LRRC4C: variants seen among roughly 807,000 people sequenced by gnomAD.
The protein encoded by LRRC4C is leucine rich repeat containing 4C.
Under a neutral mutation model 33.6 loss-of-function variants are expected in LRRC4C, and 5 were observed. The ratio of observed to expected loss-of-function variants is 0.15; its 90% CI spans 0.08 to 0.31. LRRC4C has a LOEUF of 0.31. Ranked by LOEUF, LRRC4C falls within the 10% of genes least tolerant of loss-of-function variation. The pLI is 1.00. For missense variants in LRRC4C, 560 were observed against 796.7 expected (o/e 0.70, Z 3.58); for synonymous variants, 329 against 302.0 (o/e 1.09, Z -0.93).
intron 3 of LRRC4C, among the ~76,000 whole-genome samples, chr11:40,471,838 C>T (rs1443704325): frequency 6.6e-6 from 1 of 152,138 alleles, no homozygotes; most frequent in African/African-American, 2.4e-5. Flanking sequence ...CAGAACTCTC[C>T]ACCACAAATC....
chr11:40,814,061 C>T (rs934444584), intron 2 of LRRC4C, among the ~76,000 whole-genome samples: 4 of 152,094 alleles, frequency 2.6e-5, no homozygotes, highest in Non-Finnish European at 5.9e-5. Flanking sequence ...CAGTGGCCCT[C>T]TTCTCACGGT....
intron 2 of LRRC4C, among the ~76,000 whole-genome samples, chr11:40,919,970 T>C (rs1957109590): frequency 6.6e-6 from 1 of 152,180 alleles, no homozygotes; most frequent in Non-Finnish European, 1.5e-5. Context: ...AATCTACCTT[T>C]ACAGTGCTCA....
intron 6 of LRRC4C, among the ~76,000 whole-genome samples, chr11:40,136,685 T>C (rs1266974236): frequency 1.3e-5 from 2 of 152,172 alleles, no homozygotes; most frequent in Non-Finnish European, 2.9e-5. Flanking sequence ...TTAACTTTAT[T>C]CTAAGAACAA....
At chr11:40,176,930 CTTTTT>C (rs36015905) in intron 5 of LRRC4C, among the ~76,000 whole-genome samples, 2 of 82,626 alleles carry the variant, frequency 2.4e-5, no homozygotes, top group African/African-American at 5.0e-5. Context: ...CTGCCAGAGT[CTTTTT>C]TTTTTTTTTT....
At chr11:41,180,819 T>C (rs1308129313) in intron 1 of LRRC4C, among the ~76,000 whole-genome samples, 3 of 151,992 alleles carry the variant, frequency 2.0e-5, no homozygotes, top group Admixed American at 1.3e-4. Flanking sequence ...AGATATCTTC[T>C]GCTATCGAAA....
intron 1 of LRRC4C, among the ~76,000 whole-genome samples, chr11:41,333,243 G>A (rs944804816): frequency 2.6e-5 from 4 of 152,124 alleles, no homozygotes; most frequent in African/African-American, 9.7e-5. Context: ...TAATGCATCA[G>A]TCAAAATAAA....
chr11:40,970,699 A>T lies in LRRC4C; in HGVS notation c.-495-36976T>A, dbSNP rs1851665693. On this transcript the variant is annotated intron_variant, in intron 1 of 6. Transcript: ENST00000528697. Reference sequence around the variant, plus strand: ...ACAGGAAGATGAGAGAAAACTTGAAACTACCTAGAGCCTTGTTAAACTGCT... The same window carrying T: ...ACAGGAAGATGAGAGAAAACTTGAATCTACCTAGAGCCTTGTTAAACTGCT... Among the ~76,000 whole-genome samples the T allele has an allele frequency of 2.0e-5, 3 of 152,178 alleles. No homozygotes were observed. The South Asian group carries it at 6.2e-4, about 32-fold the overall frequency.
At chr11:41,037,067 T>A (rs1193667535) in intron 1 of LRRC4C, among the ~76,000 whole-genome samples, 1 of 152,216 alleles carries the variant, frequency 6.6e-6, no homozygotes. Flanking sequence ...CAGTAATCTT[T>A]TTGATCCATT....
intron 1 of LRRC4C, among the ~76,000 whole-genome samples, chr11:41,433,048 TCTC>T (rs1955297141): frequency 6.6e-6 from 1 of 152,100 alleles, no homozygotes; most frequent in African/African-American, 2.4e-5. Context: ...CCCTGTGTCT[TCTC>T]CTCTCAATGC....
chr11:40,817,097 A>G (rs1951736002), intron 2 of LRRC4C, among the ~76,000 whole-genome samples: 1 of 152,164 alleles, frequency 6.6e-6, no homozygotes, highest in Non-Finnish European at 1.5e-5. Context: ...GGTGTAATAA[A>G]TAAGGATCGA....
intron 1 of LRRC4C, among the ~76,000 whole-genome samples, chr11:41,206,361 C>T (rs1046482459): frequency 3.9e-5 from 6 of 152,096 alleles, no homozygotes; most frequent in East Asian, 1.9e-4. Flanking sequence ...TGAAAAATTT[C>T]AAAATGTTGG....
intron 2 of LRRC4C, among the ~76,000 whole-genome samples, chr11:40,696,281 C>T (rs1332086976): frequency 6.5e-5 from 6 of 92,886 alleles, no homozygotes; most frequent in African/African-American, 3.0e-4. Flanking sequence ...CACAATGCCA[C>T]ATATATATAT....
At chr11:41,178,979 G>T (rs1336053199) in intron 1 of LRRC4C, among the ~76,000 whole-genome samples, 2 of 152,136 alleles carry the variant, frequency 1.3e-5, no homozygotes, top group African/African-American at 4.8e-5. Context: ...GGGATTACAA[G>T]CCTGAGCCAC....
At chr11:40,548,636 G>A (rs1178646600) in intron 3 of LRRC4C, among the ~76,000 whole-genome samples, 1 of 152,088 alleles carries the variant, frequency 6.6e-6, no homozygotes, top group East Asian at 1.9e-4. Context: ...GGCACAAAAA[G>A]ACAGTAAGTG....
At chr11:40,198,734 A>G (rs1190357894) in intron 5 of LRRC4C, among the ~76,000 whole-genome samples, 1 of 152,210 alleles carries the variant, frequency 6.6e-6, no homozygotes, top group African/African-American at 2.4e-5. Context: ...CTGCTTATTC[A>G]GCAAGCTTTC....
At chr11:41,448,670 C>T (rs1955919835) in intron 1 of LRRC4C, among the ~76,000 whole-genome samples, 1 of 152,074 alleles carries the variant, frequency 6.6e-6, no homozygotes, top group Non-Finnish European at 1.5e-5. Context: ...TATGTATTCT[C>T]TTGTGAAGAA....
intron 3 of LRRC4C, among the ~76,000 whole-genome samples, chr11:40,604,657 G>A (rs979504767): frequency 6.6e-6 from 1 of 152,114 alleles, no homozygotes; most frequent in East Asian, 1.9e-4. Context: ...ATTAAAGTAT[G>A]TTTTATGGTC....
intron 3 of LRRC4C, among the ~76,000 whole-genome samples, chr11:40,628,346 C>T (rs1963152646): frequency 6.6e-6 from 1 of 152,000 alleles, no homozygotes; most frequent in Non-Finnish European, 1.5e-5. Context: ...GGCGTGGTGG[C>T]GGGTGCCTGT....
intron 3 of LRRC4C, among the ~76,000 whole-genome samples, chr11:40,616,342 G>T (rs1961825826): frequency 6.6e-6 from 1 of 151,974 alleles, no homozygotes; most frequent in Non-Finnish European, 1.5e-5. Flanking sequence ...CATTGTGGAA[G>T]TCAGTGTGGT....
Sources: gnomAD v4.1 joint callset for allele counts (sites outside exome capture counted in the v4.1 genomes callset) on GRCh38, gnomAD v4.1.1 for gene constraint, MANE v1.5 for transcripts, NCBI Gene and HGNC (gene_info 2026-07-23, HGNC 2026-07-21) for gene names.